The following SUGCT variants were observed in gnomAD, a reference collection of about 807,000 sequenced individuals.
The protein encoded by SUGCT is succinyl-CoA:glutarate-CoA transferase.
In SUGCT, 41 loss-of-function variants were observed where a neutral mutation model predicts 55.0. The ratio of observed to expected loss-of-function variants is 0.74; its 90% CI spans 0.58 to 0.97. SUGCT has a LOEUF of 0.97. SUGCT is among the 50% of genes least tolerant of loss of function. The pLI is 0.00. For missense variants in SUGCT, 568 were observed against 547.8 expected (o/e 1.04, Z -0.37); for synonymous variants, 187 against 200.4 (o/e 0.93, Z 0.56).
At chr7:40,926,241 G>A in the SUGCT span, among the ~76,000 whole-genome samples, 1 of 152,038 alleles carries the variant, frequency 6.6e-6, no homozygotes, top group African/African-American at 2.4e-5. Flanking sequence ...TAGTAATCAA[G>A]CCTTATTCTT....
intron 1 of SUGCT, among the ~76,000 whole-genome samples, chr7:40,141,617 G>C (rs1787985465): frequency 7.1e-6 from 1 of 140,536 alleles, no homozygotes. Context: ...CTGGGCGACA[G>C]ACAGTGCAAG....
chr7:40,899,698 GT>G, the SUGCT span, among the ~76,000 whole-genome samples: 1 of 151,526 alleles, frequency 6.6e-6, no homozygotes, highest in Non-Finnish European at 1.5e-5. Flanking sequence ...CCACAACACA[GT>G]TTTTTCTTAA....
intron 13 of SUGCT, among the ~76,000 whole-genome samples, chr7:40,843,975 G>A (rs374616882): frequency 4.9e-4 from 74 of 152,148 alleles, no homozygotes; most frequent in African/African-American, 1.7e-3. Flanking sequence ...TACTCGGCCC[G>A]CAGCTCTAAA....
chr7:40,146,671 T>C (rs1276759495), intron 1 of SUGCT, among the ~76,000 whole-genome samples: 2 of 152,264 alleles, frequency 1.3e-5, no homozygotes, highest in Non-Finnish European at 2.9e-5. Context: ...TTTTCCACCC[T>C]GGGTGGGCCA....
At chr7:40,316,620 G>T in intron 8 of SUGCT, 140 bp from the exon 9 acceptor site, 1 of 551,450 alleles carries the variant, frequency 1.8e-6, no homozygotes. Context: ...TACAATGCCT[G>T]TATATTTTCT....
At chr7:40,232,737 T>C (rs947146315) in intron 6 of SUGCT, among the ~76,000 whole-genome samples, 18 of 152,108 alleles carry the variant, frequency 1.2e-4, no homozygotes, top group African/African-American at 3.4e-4. Flanking sequence ...GATGGCGAGG[T>C]TGCTCCTTAA....
intron 9 of SUGCT, among the ~76,000 whole-genome samples, chr7:40,331,859 C>T (rs1796326141): frequency 6.6e-6 from 1 of 152,120 alleles, no homozygotes; most frequent in Admixed American, 6.5e-5. Flanking sequence ...TGAAAATTTC[C>T]CTCATGGTGA....
intron 12 of SUGCT, among the ~76,000 whole-genome samples, chr7:40,598,953 G>C (rs773113778): frequency 4.6e-5 from 7 of 152,196 alleles, no homozygotes; most frequent in Non-Finnish European, 1.0e-4. Flanking sequence ...TCATCTCCAA[G>C]ACCATCTTCT....
chr7:40,832,837 G>C (rs1792766952), intron 13 of SUGCT, among the ~76,000 whole-genome samples: 1 of 151,940 alleles, frequency 6.6e-6, no homozygotes, highest in Admixed American at 6.6e-5. Context: ...ACTATGCCCG[G>C]CTAATTTTTT....
chr7:40,787,022 T>A (rs560007782), intron 13 of SUGCT, among the ~76,000 whole-genome samples: 1 of 152,330 alleles, frequency 6.6e-6, no homozygotes, highest in African/African-American at 2.4e-5. Flanking sequence ...AAATGCAGTC[T>A]GTCTTGACTC....
At chr7:40,655,906 G>A (rs1800998534) in intron 12 of SUGCT, among the ~76,000 whole-genome samples, 1 of 152,078 alleles carries the variant, frequency 6.6e-6, no homozygotes, top group Non-Finnish European at 1.5e-5. Context: ...GCTATATTGA[G>A]CTTCCTGTCT....
At chr7:40,398,789 T>A (rs2151317251) in intron 9 of SUGCT, among the ~76,000 whole-genome samples, 1 of 152,122 alleles carries the variant, frequency 6.6e-6, no homozygotes, top group Admixed American at 6.5e-5. Context: ...GGAGAAGAAT[T>A]TTTGGAGGGG....
chr7:40,417,596 T>C (rs1234626112), intron 9 of SUGCT, among the ~76,000 whole-genome samples: 1 of 151,914 alleles, frequency 6.6e-6, no homozygotes, highest in African/African-American at 2.4e-5. Context: ...AATTTAAGCA[T>C]ATTTTTTGTT....
chr7:40,559,013 G>A (rs1045277766), intron 12 of SUGCT, among the ~76,000 whole-genome samples: 3 of 152,088 alleles, frequency 2.0e-5, no homozygotes, highest in African/African-American at 7.2e-5. Flanking sequence ...ATAAACAAAG[G>A]CATAATTAGA....
intron 6 of SUGCT, among the ~76,000 whole-genome samples, chr7:40,216,416 C>T (rs1468350554): frequency 6.7e-6 from 1 of 148,444 alleles, no homozygotes; most frequent in Non-Finnish European, 1.5e-5. Flanking sequence ...GGGAGAATCC[C>T]TTGAGCCCGG....
intron 1 of SUGCT, among the ~76,000 whole-genome samples, chr7:40,180,343 C>T (rs1158786027): frequency 7.2e-5 from 11 of 151,870 alleles, no homozygotes; most frequent in Non-Finnish European, 1.5e-4. Flanking sequence ...GTCTCAGGTG[C>T]CTGACCTCAA....
the SUGCT span, among the ~76,000 whole-genome samples, chr7:40,911,972 A>T: frequency 6.6e-6 from 1 of 152,162 alleles, no homozygotes. Context: ...TTGAAAATTT[A>T]AATTTAAGGT....
At chr7:40,193,065 C>T (rs1183557858) in intron 5 of SUGCT, among the ~76,000 whole-genome samples, 2 of 150,272 alleles carry the variant, frequency 1.3e-5, no homozygotes, top group Non-Finnish European at 3.0e-5. Flanking sequence ...CTTCTGGGCT[C>T]AAGCAGTCCT....
chr7:40,257,851 G>A (rs1433204270), intron 7 of SUGCT, among the ~76,000 whole-genome samples: 3 of 152,140 alleles, frequency 2.0e-5, no homozygotes, highest in Non-Finnish European at 4.4e-5. Context: ...TCTAGCCTGG[G>A]TGACAGGGCA....
Sources: gnomAD v4.1 joint callset for allele counts (sites outside exome capture counted in the v4.1 genomes callset) on GRCh38, gnomAD v4.1.1 for gene constraint, MANE v1.5 for transcripts, NCBI Gene and HGNC (gene_info 2026-07-23, HGNC 2026-07-21) for gene names.